The following MYO5B variants were observed in gnomAD, a reference collection of about 807,000 sequenced individuals.
The protein encoded by MYO5B is unconventional myosin-Vb.
MYO5B carries 143 observed loss-of-function variants against 229.3 expected under a neutral mutation model. The observed-to-expected ratio is 0.62, with a 90% confidence interval of 0.54 to 0.72. The LOEUF is 0.72. MYO5B is among the 30% of genes least tolerant of loss of function. MYO5B has a pLI of 0.00. For missense variants in MYO5B, 2,321 were observed against 2,331.0 expected (o/e 1.00, Z 0.09); for synonymous variants, 918 against 885.2 (o/e 1.04, Z -0.66).
intron 1 of MYO5B, among the ~76,000 whole-genome samples, chr18:50,172,288 C>CAAAAAAAAAAAA (rs55973734): frequency 1.1e-5 from 1 of 90,506 alleles, no homozygotes; most frequent in African/African-American, 4.0e-5. Context: ...CAAAAAAAGA[C>CAAAAAAAAAAAA]AAAAAAAAAA....
At chr18:49,954,990 A>C (rs2144247854) in intron 12 of MYO5B, among the ~76,000 whole-genome samples, 1 of 152,280 alleles carries the variant, frequency 6.6e-6, no homozygotes, top group East Asian at 1.9e-4. Flanking sequence ...TCAAGCTCTT[A>C]CACATGCCCT....
chr18:49,865,518 A>T (rs533064), intron 27 of MYO5B, among the ~76,000 whole-genome samples: 65,247 of 152,090 alleles, frequency 0.43, 14,611 homozygotes, highest in Middle Eastern at 0.56. Flanking sequence ...ATCTTCTGGC[A>T]GCCAAGGCCA....
Position 49,962,289 on chromosome 18 carries a change from C to G in MYO5B, c.1522G>C (p.Asp508His). 1 of 1,614,214 alleles carries G rather than the reference C, an allele frequency of 6.2e-7. No individual in the cohort carries two copies. Among genetic ancestry groups the G allele is most frequent in the Non-Finnish European group, 8.5e-7 (1 of 1,180,032 alleles). Residue 508 changes from aspartate to histidine, a missense_variant, in exon 12 of 40, where the codon GAC becomes CAC. By Grantham distance (81) the Asp-to-His change is moderately conservative. This residue lies in a region of MYO5B where 2,113 missense variants were observed against 2,044.7 expected (regional missense o/e 1.03). Transcript: ENST00000285039. ...ACCTTACATTCTTCATCCAACAGGT[C>G]CAAGATACCCAGCTTGGCTTCAATG... ...DLIEAKLGIL[D>H]LLDEECKVPK...
chr18:50,111,839 A>T lies in MYO5B; in HGVS notation c.28-56461T>A, dbSNP rs555054199. 2.0e-5 allele frequency among the ~76,000 whole-genome samples: 3 copies of T among 152,296 alleles called. No individual in the cohort carries two copies. In the South Asian group the frequency reaches 6.2e-4, roughly 32 times the overall value. ...ACTTCTGAAGACTCTGCCTCTTATC[A>T]ACTCATCCCCTCTTCCTATAAGGCA... On this transcript the variant is annotated intron_variant, in intron 1 of 39. Coordinates refer to ENST00000285039, the MANE Select transcript of MYO5B (RefSeq NM_001080467.3).
chr18:49,959,807 G>T (rs964430566), intron 12 of MYO5B, among the ~76,000 whole-genome samples: 2 of 152,144 alleles, frequency 1.3e-5, no homozygotes, highest in Admixed American at 1.3e-4. Flanking sequence ...AGGCAGCAGG[G>T]GCTGGTGGGC....
intron 1 of MYO5B, among the ~76,000 whole-genome samples, chr18:50,189,466 T>C (rs2033198546): frequency 6.6e-6 from 1 of 152,222 alleles, no homozygotes; most frequent in African/African-American, 2.4e-5. Flanking sequence ...GTGCCATTGG[T>C]TAAGGACTGT....
rs1251585463 is a variant in MYO5B, at chr18:49,826,013, T to G, written c.*458A>C. ...CAACCACACCTATGGTTTGCAAACT[T>G]TGGGAAATGTCAGTATATGCCATTA... On this transcript the variant is annotated 3_prime_UTR_variant, in exon 40 of 40. Coordinates refer to ENST00000285039, the MANE Select transcript of MYO5B (RefSeq NM_001080467.3). 5.5e-6 allele frequency: 1 copy of G among 182,130 alleles called. No individual in the cohort carries two copies. Among genetic ancestry groups the G allele is most frequent in the African/African-American group, 2.4e-5 (1 of 41,826 alleles). The allele number at this position is 182,130 out of a possible 1,614,324, so 11.3% of individuals were successfully genotyped here.
At chr18:50,075,369 A>G (rs377057320) in intron 1 of MYO5B, among the ~76,000 whole-genome samples, 1 of 152,166 alleles carries the variant, frequency 6.6e-6, no homozygotes, top group Non-Finnish European at 1.5e-5. Flanking sequence ...CTACATATAC[A>G]CAGGAGTATA....
At chr18:49,936,034 G>A (rs907836368) in intron 16 of MYO5B, among the ~76,000 whole-genome samples, 1 of 152,220 alleles carries the variant, frequency 6.6e-6, no homozygotes, top group South Asian at 2.1e-4. Flanking sequence ...ACTATACGGG[G>A]AACGGCATTT....
At chr18:49,957,165 A>AG (rs1158561073) in intron 12 of MYO5B, among the ~76,000 whole-genome samples, 1 of 150,336 alleles carries the variant, frequency 6.7e-6, no homozygotes, top group Non-Finnish European at 1.5e-5. Context: ...AAAAAAAAAA[A>AG]GCAGGCATGG....
chr18:49,971,261 G>A (rs984897764), intron 10 of MYO5B, among the ~76,000 whole-genome samples: 1 of 152,206 alleles, frequency 6.6e-6, no homozygotes, highest in Non-Finnish European at 1.5e-5. Flanking sequence ...AGTAGAGAGG[G>A]CGAGAAGTGG....
intron 17 of MYO5B, among the ~76,000 whole-genome samples, chr18:49,928,506 T>C (rs1449272940): frequency 1.3e-5 from 2 of 152,166 alleles, no homozygotes; most frequent in Non-Finnish European, 2.9e-5. Context: ...TAGCCAGATG[T>C]GGTGGTGCAC....
intron 14 of MYO5B, among the ~76,000 whole-genome samples, chr18:49,947,935 C>T (rs1223002565): frequency 1.3e-5 from 2 of 152,272 alleles, no homozygotes; most frequent in Non-Finnish European, 2.9e-5. Context: ...CATATGTATA[C>T]ATGTGCCATG....
At chr18:50,154,008 C>A (rs2032641226) in intron 1 of MYO5B, among the ~76,000 whole-genome samples, 1 of 152,138 alleles carries the variant, frequency 6.6e-6, no homozygotes. Context: ...TCCACAATGG[C>A]CATTAGACTT....
intron 14 of MYO5B, among the ~76,000 whole-genome samples, chr18:49,939,100 TA>T (rs1598897178): frequency 6.6e-6 from 1 of 152,136 alleles, no homozygotes; most frequent in East Asian, 1.9e-4. Context: ...TATCTAGTTT[TA>T]TTACTTTTAC....
chr18:50,156,377 G>GA (rs2032679608), intron 1 of MYO5B, among the ~76,000 whole-genome samples: 1 of 152,188 alleles, frequency 6.6e-6, no homozygotes, highest in Admixed American at 6.5e-5. Flanking sequence ...GGAGATAACT[G>GA]AATCATGGGA....
chr18:50,094,933 T>C (rs1026000227), intron 1 of MYO5B, among the ~76,000 whole-genome samples: 5 of 152,188 alleles, frequency 3.3e-5, no homozygotes, highest in East Asian at 1.9e-4. Context: ...GCTCAAGTGA[T>C]TGTCATGCCT....
chr18:49,887,652 A>G (rs2024659360), intron 22 of MYO5B, among the ~76,000 whole-genome samples: 1 of 152,060 alleles, frequency 6.6e-6, no homozygotes, highest in Non-Finnish European at 1.5e-5. Context: ...TCAATTAGAC[A>G]TTTTTACTTA....
chr18:49,841,360 C>G lies in MYO5B; in HGVS notation c.4701+5G>C. 6.2e-7 allele frequency: 1 copy of G among 1,613,838 alleles called. No individual in the cohort carries two copies. The highest frequency in any genetic ancestry group is 8.5e-7 in the Non-Finnish European group (1 of 1,179,706). ...TGCCTCCTGGGTGCCTGGCTCCCCACTCACCTCATCCCCGCTGTACTGCTT... is the reference window on the plus strand; with the variant it reads ...TGCCTCCTGGGTGCCTGGCTCCCCAGTCACCTCATCCCCGCTGTACTGCTT... On this transcript the variant is annotated splice_donor_5th_base_variant and intron_variant, in intron 35 of 39. Transcript: ENST00000285039.
Sources: allele counts gnomAD v4.1 joint callset (sites outside exome capture counted in the v4.1 genomes callset), GRCh38; gene constraint gnomAD v4.1.1; regional missense constraint gnomAD v4.1.1; transcripts MANE v1.5; gene names NCBI Gene and HGNC (gene_info 2026-07-23, HGNC 2026-07-21).